The following GREM2 variants were observed in gnomAD, a reference collection of about 807,000 sequenced individuals.
The protein encoded by GREM2 is gremlin-2.
A neutral mutation model predicts 14.2 loss-of-function variants in GREM2; 11 were observed. The observed-to-expected ratio is 0.78, with a 90% CI of 0.49 to 1.28. The LOEUF (loss-of-function observed/expected upper bound fraction) is 1.28. Ranked by LOEUF, GREM2 falls within the 50% of genes most tolerant of loss-of-function variation. The pLI is 0.00. For missense variants in GREM2, 210 were observed against 218.5 expected, an observed-to-expected ratio of 0.96 and a Z score of 0.24; for synonymous variants, 98 against 97.6, an observed-to-expected ratio of 1.00 and a Z score of -0.02.
chr1:240,510,119 C>A (rs980375640), intron 1 of GREM2, among the ~76,000 whole-genome samples: 26 of 152,050 alleles, frequency 1.7e-4, no homozygotes, highest in Non-Finnish European at 3.2e-4. Context: ...CCTGTAATCC[C>A]AGCACTTTGG....
intron 1 of GREM2, among the ~76,000 whole-genome samples, chr1:240,556,586 A>G (rs1016038709): frequency 6.6e-6 from 1 of 152,210 alleles, no homozygotes; most frequent in Admixed American, 6.5e-5. Context: ...CTAAAAGAAA[A>G]GAGAAATATT....
chr1:240,610,326 C>T (rs1429947745), intron 1 of GREM2, among the ~76,000 whole-genome samples: 6 of 152,116 alleles, frequency 3.9e-5, no homozygotes, highest in Non-Finnish European at 2.9e-5. Context: ...GTTAAAATGC[C>T]TTCTCCCAAA....
chr1:240,547,990 G>A (rs1165420237), intron 1 of GREM2, among the ~76,000 whole-genome samples: 1 of 152,016 alleles, frequency 6.6e-6, no homozygotes, highest in Non-Finnish European at 1.5e-5. Flanking sequence ...GGCTGGGCAT[G>A]GTGGCTCACA....
intron 1 of GREM2, among the ~76,000 whole-genome samples, chr1:240,510,182 A>T (rs2103288989): frequency 6.6e-6 from 1 of 152,090 alleles, no homozygotes; most frequent in Non-Finnish European, 1.5e-5. Flanking sequence ...ATCCTGGCTA[A>T]CACGGTGAAA....
At chr1:240,532,233 G>A (rs900467832) in intron 1 of GREM2, among the ~76,000 whole-genome samples, 2 of 152,024 alleles carry the variant, frequency 1.3e-5, no homozygotes, top group Non-Finnish European at 2.9e-5. Context: ...ATAGGTGCAC[G>A]CCACCATGCC....
chr1:240,539,541 C>A (rs947695306), intron 1 of GREM2, among the ~76,000 whole-genome samples: 1 of 152,176 alleles, frequency 6.6e-6, no homozygotes, highest in Non-Finnish European at 1.5e-5. Flanking sequence ...GGCTTCTTAA[C>A]AAAAGAGATT....
At chr1:240,563,155 A>G (rs113335668) in intron 1 of GREM2, among the ~76,000 whole-genome samples, 16 of 148,048 alleles carry the variant, frequency 1.1e-4, no homozygotes, top group African/African-American at 3.7e-4. Context: ...GTGAGTGTGT[A>G]TGTGTGTACG....
chr1:240,494,550 T>G (rs1331290923), intron 1 of GREM2, among the ~76,000 whole-genome samples: 1 of 152,214 alleles, frequency 6.6e-6, no homozygotes, highest in Non-Finnish European at 1.5e-5. Flanking sequence ...AACATTAGCA[T>G]TTAACATCTG....
At position 240,585,772 on chromosome 1, in the gene GREM2, A is replaced by G. The variant is rs567634698; in HGVS notation, c.-2+26112T>C. On this transcript the variant is annotated intron_variant, in intron 1 of 1. Transcript: ENST00000318160. ...AAAAAAAAAAGAGAAAGAAAGTTCC[A>G]ACCAGGTGGAGGGCCCCTCAAAAGG... Among the ~76,000 whole-genome samples the G allele has an allele frequency of 3.3e-5, 5 of 150,666 alleles. No homozygotes were observed. In the South Asian group the frequency reaches 8.4e-4, roughly 25 times the overall value.
At chr1:240,546,110 G>A (rs901050630) in intron 1 of GREM2, among the ~76,000 whole-genome samples, 23 of 152,048 alleles carry the variant, frequency 1.5e-4, no homozygotes, top group African/African-American at 5.1e-4. Flanking sequence ...TGAGGCGGGC[G>A]GATCACTTGA....
chr1:240,594,028 A>C (rs548388658), intron 1 of GREM2, among the ~76,000 whole-genome samples: 8 of 152,130 alleles, frequency 5.3e-5, no homozygotes, highest in African/African-American at 1.9e-4. Context: ...ATCATAACTC[A>C]CTGCAGCCTT....
In GREM2 at chr1:240,492,267, A is replaced by T. The variant is rs942642594; in HGVS notation, c.*702T>A. 2 of 444,422 alleles carry T rather than the reference A, an allele frequency of 4.5e-6. No individual in the cohort carries two copies. The highest frequency in any genetic ancestry group is 9.1e-6 in the Non-Finnish European group (2 of 219,182). 27.5% of individuals were successfully genotyped at this position (444,422 alleles called of 1,614,324 possible). ...TAGTCCACAAATAGGGGGCGGGGAC[A>T]GTGAGGAAGAAGAGGCGGTGGGGAC... On this transcript the variant is annotated 3_prime_UTR_variant, in exon 2 of 2. Transcript: ENST00000318160.
At position 240,547,532 on chromosome 1, in the gene GREM2, T is replaced by TATATAGACAG. The variant is rs1187770486; in HGVS notation, c.-1-54057_-1-54056insCTGTCTATAT. On this transcript the variant is annotated intron_variant, in intron 1 of 1. Coordinates refer to ENST00000318160, the MANE Select transcript of GREM2 (RefSeq NM_022469.4). ...AAAAAAAAATATATATATATATATA[T>TATATAGACAG]ATAGATAGATAGATAGATAGATAGA... Among the ~76,000 whole-genome samples, 528 of 121,738 alleles carry TATATAGACAG rather than the reference T, an allele frequency of 4.3e-3. 5 individuals carry two copies. The highest frequency in any genetic ancestry group is 0.019 in the African/African-American group (502 of 26,956). The allele number at this position is 121,738 out of a possible 152,430, so 79.9% of individuals were successfully genotyped here.
chr1:240,608,548 A>G (rs1253417140), intron 1 of GREM2, among the ~76,000 whole-genome samples: 2 of 152,184 alleles, frequency 1.3e-5, no homozygotes, highest in Non-Finnish European at 2.9e-5. Context: ...ACACCTATAG[A>G]GCCAGGTTGA....
chr1:240,529,535 G>T (rs1678306815), intron 1 of GREM2, among the ~76,000 whole-genome samples: 1 of 151,866 alleles, frequency 6.6e-6, no homozygotes, highest in Non-Finnish European at 1.5e-5. Context: ...ATACATATCT[G>T]ACGTATCTGT....
intron 1 of GREM2, among the ~76,000 whole-genome samples, chr1:240,563,142 T>A (rs980845222): frequency 6.8e-6 from 1 of 146,902 alleles, no homozygotes; most frequent in Non-Finnish European, 1.5e-5. Flanking sequence ...TGTATGTGTG[T>A]GTGTGAGTGT....
At chr1:240,560,715 C>A (rs983458153) in intron 1 of GREM2, among the ~76,000 whole-genome samples, 1 of 152,170 alleles carries the variant, frequency 6.6e-6, no homozygotes, top group Non-Finnish European at 1.5e-5. Context: ...CTAACTGACA[C>A]CATAATGGCT....
intron 1 of GREM2, among the ~76,000 whole-genome samples, chr1:240,603,834 TTA>T (rs145566989): frequency 1.3e-4 from 19 of 149,564 alleles, no homozygotes; most frequent in African/African-American, 2.9e-4. Context: ...TATATGTATT[TTA>T]TATATATATA....
chr1:240,609,154 T>C (rs1380538756), intron 1 of GREM2, among the ~76,000 whole-genome samples: 2 of 152,162 alleles, frequency 1.3e-5, no homozygotes, highest in African/African-American at 4.8e-5. Context: ...TACTGAAGCA[T>C]GTCAATCTTT....
Sources: gnomAD v4.1 joint callset for allele counts (sites outside exome capture counted in the v4.1 genomes callset) on GRCh38, gnomAD v4.1.1 for gene constraint, MANE v1.5 for transcripts, NCBI Gene and HGNC (gene_info 2026-07-23, HGNC 2026-07-21) for gene names.